Variants in CNTNAP2 observed in about 807,000 individuals in gnomAD.
CNTNAP2 encodes contactin-associated protein-like 2.
Under a neutral mutation model 155.2 loss-of-function variants are expected in CNTNAP2, and 98 were observed. That is an observed-to-expected ratio of 0.63 (90% CI 0.54 to 0.75). CNTNAP2 has a LOEUF of 0.75. CNTNAP2 is among the 30% of genes least tolerant of loss of function. The pLI, the probability that CNTNAP2 is intolerant of heterozygous loss-of-function variation, is 0.00. For synonymous variants in CNTNAP2, 651 were observed against 631.2 expected (o/e 1.03, Z -0.47); for missense variants, 1,727 against 1,688.1 (o/e 1.02, Z -0.40).
chr7:147,818,030 T>C (rs1258885938), intron 13 of CNTNAP2, among the ~76,000 whole-genome samples: 1 of 152,114 alleles, frequency 6.6e-6, no homozygotes, highest in East Asian at 1.9e-4. Context: ...TGTATACAAT[T>C]GGTAGTTACA....
At chr7:146,695,629 G>A (rs1800769763) in intron 1 of CNTNAP2, among the ~76,000 whole-genome samples, 1 of 151,886 alleles carries the variant, frequency 6.6e-6, no homozygotes, top group South Asian at 2.1e-4. Context: ...GTTTCCTCGT[G>A]TTGCCTAGTC....
chr7:146,244,532 G>C (rs2116932257), intron 1 of CNTNAP2, among the ~76,000 whole-genome samples: 1 of 152,304 alleles, frequency 6.6e-6, no homozygotes, highest in South Asian at 2.1e-4. Context: ...AGGGTAAGTG[G>C]TAAAAGTATT....
chr7:146,324,360 C>T (rs1288868841), intron 1 of CNTNAP2, among the ~76,000 whole-genome samples: 1 of 152,102 alleles, frequency 6.6e-6, no homozygotes, highest in African/African-American at 2.4e-5. Context: ...GTATTGTAAC[C>T]AATGGTGCTC....
chr7:146,774,485 C>T, intron 2 of CNTNAP2, 104 bp downstream of exon 2: 1 of 785,576 alleles, frequency 1.3e-6, no homozygotes, highest in South Asian at 1.5e-5. Flanking sequence ...TTGGCAGACA[C>T]CAGAAATCAC....
At chr7:147,486,572 T>A (rs997504585) in intron 11 of CNTNAP2, among the ~76,000 whole-genome samples, 7 of 151,898 alleles carry the variant, frequency 4.6e-5, no homozygotes, top group Non-Finnish European at 8.8e-5. Context: ...AAGAAGGTAA[T>A]AAAATGAAGA....
chr7:147,213,120 T>C (rs1803193432), intron 8 of CNTNAP2, among the ~76,000 whole-genome samples: 1 of 152,124 alleles, frequency 6.6e-6, no homozygotes, highest in Non-Finnish European at 1.5e-5. Flanking sequence ...CAATCCGCTC[T>C]CTACAAATTG....
At chr7:146,638,779 C>T (rs1162526475) in intron 1 of CNTNAP2, among the ~76,000 whole-genome samples, 1 of 151,948 alleles carries the variant, frequency 6.6e-6, no homozygotes, top group African/African-American at 2.4e-5. Flanking sequence ...GCCACCGCGC[C>T]CGGCCAGGTG....
At chr7:148,394,593 G>A (rs1282085638) in intron 22 of CNTNAP2, among the ~76,000 whole-genome samples, 2 of 152,116 alleles carry the variant, frequency 1.3e-5, no homozygotes, top group Non-Finnish European at 2.9e-5. Context: ...TTCATTACCT[G>A]GTGATGCCCA....
At chr7:146,925,447 G>T (rs752076760) in intron 3 of CNTNAP2, among the ~76,000 whole-genome samples, 1 of 152,040 alleles carries the variant, frequency 6.6e-6, no homozygotes, top group Non-Finnish European at 1.5e-5. Flanking sequence ...TGACAAAAAT[G>T]TAGTGGAAAC....
At chr7:147,710,550 T>C (rs1408873167) in intron 13 of CNTNAP2, among the ~76,000 whole-genome samples, 1 of 152,224 alleles carries the variant, frequency 6.6e-6, no homozygotes, top group Non-Finnish European at 1.5e-5. Flanking sequence ...TCTCCTAATT[T>C]GACTCTTTTT....
intron 12 of CNTNAP2, among the ~76,000 whole-genome samples, chr7:147,608,939 T>A (rs1448101699): frequency 6.6e-6 from 1 of 152,146 alleles, no homozygotes; most frequent in Non-Finnish European, 1.5e-5. Context: ...GGGGAGCTTC[T>A]GAGCCAGGAG....
At chr7:147,863,412 G>T (rs6964273) in intron 13 of CNTNAP2, among the ~76,000 whole-genome samples, 90,414 of 152,002 alleles carry the variant, frequency 0.59, 27,155 homozygotes, top group Middle Eastern at 0.7. Flanking sequence ...GTCTTTACAG[G>T]AGCATGATTT....
intron 3 of CNTNAP2, among the ~76,000 whole-genome samples, chr7:146,931,614 C>G (rs1796759691): frequency 6.6e-6 from 1 of 150,420 alleles, no homozygotes; most frequent in South Asian, 2.1e-4. Context: ...AATAGAGACA[C>G]AAAAAACCCT....
intron 4 of CNTNAP2, among the ~76,000 whole-genome samples, chr7:147,107,367 A>C (rs1584847665): frequency 6.6e-6 from 1 of 152,154 alleles, no homozygotes; most frequent in Admixed American, 6.6e-5. Context: ...AAAAGTTTAC[A>C]TACTTTCCTT....
At chr7:146,527,552 A>T (rs536671385) in intron 1 of CNTNAP2, among the ~76,000 whole-genome samples, 1 of 150,174 alleles carries the variant, frequency 6.7e-6, no homozygotes, top group African/African-American at 2.5e-5. Flanking sequence ...TAGACCAAAA[A>T]TAAGGTGAGC....
At chr7:148,335,467 A>G (rs1176655848) in intron 21 of CNTNAP2, among the ~76,000 whole-genome samples, 3 of 152,174 alleles carry the variant, frequency 2.0e-5, no homozygotes, top group Non-Finnish European at 4.4e-5. Context: ...CTCCACATCA[A>G]CTGATTAACG....
At chr7:148,175,384 T>C (rs1794915380) in intron 18 of CNTNAP2, among the ~76,000 whole-genome samples, 1 of 152,180 alleles carries the variant, frequency 6.6e-6, no homozygotes, top group Non-Finnish European at 1.5e-5. Context: ...TCATAAAATA[T>C]CTAGCTATTT....
intron 20 of CNTNAP2, among the ~76,000 whole-genome samples, chr7:148,263,941 C>T (rs1796621510): frequency 6.6e-6 from 1 of 152,050 alleles, no homozygotes; most frequent in African/African-American, 2.4e-5. Context: ...TCTGCAGAAA[C>T]AATTCAGGAA....
intron 1 of CNTNAP2, among the ~76,000 whole-genome samples, chr7:146,689,691 TAA>T (rs1332383644): frequency 6.6e-6 from 1 of 152,156 alleles, no homozygotes; most frequent in Non-Finnish European, 1.5e-5. Flanking sequence ...GTGCCATTAT[TAA>T]AGCAATCTGA....
Sources: allele counts gnomAD v4.1 joint callset (sites outside exome capture counted in the v4.1 genomes callset), GRCh38; gene constraint gnomAD v4.1.1; transcripts MANE v1.5; gene names NCBI Gene and HGNC (gene_info 2026-07-23, HGNC 2026-07-21).